Variants in FAM171B observed in about 807,000 individuals in gnomAD.
FAM171B encodes protein FAM171B.
In FAM171B, 19 loss-of-function variants were observed where a neutral mutation model predicts 75.6. The ratio of observed to expected loss-of-function variants is 0.25; its 90% CI spans 0.18 to 0.37. The LOEUF (loss-of-function observed/expected upper bound fraction) is 0.37. FAM171B is among the 10% of genes least tolerant of loss of function. The pLI, the probability that FAM171B is intolerant of heterozygous loss-of-function variation, is 1.00. For synonymous variants in FAM171B, 367 were observed against 361.7 expected, an observed-to-expected ratio of 1.01 and a Z score of -0.17; for missense variants, 848 against 982.4, an observed-to-expected ratio of 0.86 and a Z score of 1.83.
At chr2:186,698,073 T>C (rs538066696) in intron 1 of FAM171B, among the ~76,000 whole-genome samples, 1 of 152,176 alleles carries the variant, frequency 6.6e-6, no homozygotes, top group East Asian at 1.9e-4. Flanking sequence ...TTAGAAATAT[T>C]TGAGGGTCCT....
chr2:186,753,884 C>T (rs765836118), intron 5 of FAM171B, 49 bp from the exon 6 acceptor site: 2 of 1,389,008 alleles, frequency 1.4e-6, no homozygotes, highest in South Asian at 2.3e-5. Flanking sequence ...GCATGACCAT[C>T]AGTTCTTAAG....
chr2:186,725,127 G>A (rs1690011525), intron 1 of FAM171B, among the ~76,000 whole-genome samples: 1 of 152,048 alleles, frequency 6.6e-6, no homozygotes, highest in Non-Finnish European at 1.5e-5. Context: ...GGCAGATCAC[G>A]AGGTCAGGAG....
chr2:186,762,286 G>A lies in FAM171B; in HGVS notation c.1944G>A (p.Ser648=), dbSNP rs754997420. The change falls in exon 8 of 8, where the codon TCG becomes TCA. Residue 648 remains serine, a synonymous_variant. Coordinates refer to ENST00000304698, the MANE Select transcript of FAM171B (RefSeq NM_177454.4). This position sits in a 1 kb window ranked among gnomAD's most constrained non-coding sequence, Gnocchi z 4.0. ...CTGTTGTAATGACTCCATTTTCATC[G>A]GAACTTCAAGGAATTTCAGAACAGA... The part of the protein sequence containing the change: ...NEAVVMTPFS[S]ELQGISEQTL... 12 of 1,613,474 alleles carry A rather than the reference G, an allele frequency of 7.4e-6. No homozygotes were observed. The highest frequency in any genetic ancestry group is 1.6e-4 in the Middle Eastern group (1 of 6,080).
rs562876076 is a variant in FAM171B at position 186,761,077 on chromosome 2, A to G, written c.1013-36A>G. On this transcript the variant is annotated intron_variant, in intron 6 of 7. Transcript: ENST00000304698. ...GACATAGTTGAGAATTTGATCTAAA[A>G]TAACATTTTCTCTTTGTTTATATTG... 2.7e-5 allele frequency: 43 copies of G among 1,580,316 alleles called. No individual in the cohort carries two copies. The South Asian group carries it at 4.6e-4, about 17-fold the overall frequency.
rs1690322899 is a variant in FAM171B at position 186,743,507 on chromosome 2, T to C, written c.497T>C (p.Leu166Pro). Residue 166 changes from leucine (L) to proline (P), a missense_variant, in exon 3 of 8, where the codon CTG (leucine) becomes CCG (proline). Around this residue, in one of 3 missense-constraint regions of FAM171B, gnomAD observed 665 missense variants for 729.0 expected, o/e 0.91. Transcript: ENST00000304698. The part of the protein sequence containing the change: ...MPIYSSVTLS[L>P]FPQSQANIWL... ...GTATATTCATCAGTTACACTTTCAC[T>C]GTTCCCGCAAAGCCAAGCAAATATA... is the stretch of plus-strand genomic sequence containing the variant. 1 of 1,612,234 alleles carries C rather than the reference T, an allele frequency of 6.2e-7. No homozygotes were observed. Among genetic ancestry groups the C allele is most frequent in the African/African-American group, 1.3e-5 (1 of 74,878 alleles).
At chr2:186,734,723 G>T (rs1464190029) in intron 1 of FAM171B, among the ~76,000 whole-genome samples, 1 of 152,200 alleles carries the variant, frequency 6.6e-6, no homozygotes, top group Non-Finnish European at 1.5e-5. Flanking sequence ...CCATACCTGA[G>T]GGGTGCTGAG....
At chr2:186,736,645 C>CT (rs71396886) in intron 1 of FAM171B, among the ~76,000 whole-genome samples, 8,905 of 50,428 alleles carry the variant, frequency 0.18, 1,482 homozygotes, top group Non-Finnish European at 0.21. Context: ...GGGATCAGAG[C>CT]TTTTTTTTTT....
intron 1 of FAM171B, among the ~76,000 whole-genome samples, chr2:186,711,356 G>T (rs1189484484): frequency 6.6e-6 from 1 of 152,152 alleles, no homozygotes; most frequent in Non-Finnish European, 1.5e-5. Context: ...CTTTTATGGT[G>T]AATCTATACA....
intron 1 of FAM171B, among the ~76,000 whole-genome samples, chr2:186,704,393 A>G (rs1342776145): frequency 1.3e-5 from 2 of 152,200 alleles, no homozygotes; most frequent in African/African-American, 4.8e-5. Context: ...ATGCTTTATA[A>G]TAAACTTTCT....
intron 1 of FAM171B, among the ~76,000 whole-genome samples, chr2:186,732,376 A>C (rs967238949): frequency 6.6e-6 from 1 of 152,190 alleles, no homozygotes; most frequent in African/African-American, 2.4e-5. Context: ...ACTGTTCCAT[A>C]GTTCCAAGAT....
At chr2:186,732,883 C>G (rs1690139498) in intron 1 of FAM171B, among the ~76,000 whole-genome samples, 2 of 152,238 alleles carry the variant, frequency 1.3e-5, no homozygotes, top group Non-Finnish European at 2.9e-5. Flanking sequence ...CCCACTCACC[C>G]AACTCCTGAG....
Position 186,732,879 on chromosome 2 carries a change from C to T in FAM171B, c.239-7349C>T, listed in dbSNP as rs548408904. On this transcript the variant is annotated intron_variant, in intron 1 of 7. Coordinates refer to ENST00000304698, the MANE Select transcript of FAM171B (RefSeq NM_177454.4). ...TTTAGTGCACATGCTTGGGCCCACT[C>T]ACCCAACTCCTGAGATCTCATCAGG... 5.3e-5 allele frequency among the ~76,000 whole-genome samples: 8 copies of T among 152,350 alleles called. 1 individual carries two copies. In the East Asian group the frequency reaches 1.5e-3, roughly 29 times the overall value.
At chr2:186,734,119 G>C (rs1226289276) in intron 1 of FAM171B, among the ~76,000 whole-genome samples, 1 of 152,184 alleles carries the variant, frequency 6.6e-6, no homozygotes, top group African/African-American at 2.4e-5. Flanking sequence ...AGTGAAAGTA[G>C]AGCTCTCAGG....
chr2:186,694,502 C>T (rs1267781329), intron 1 of FAM171B, 91 bp downstream of exon 1: 9 of 1,452,304 alleles, frequency 6.2e-6, no homozygotes, highest in African/African-American at 5.7e-5. Flanking sequence ...CTATCCATTC[C>T]TATCCTCGTT....
chr2:186,740,028 A>G (rs1193548640), intron 1 of FAM171B, among the ~76,000 whole-genome samples, 200 bp from the exon 2 acceptor site: 1 of 152,206 alleles, frequency 6.6e-6, no homozygotes, highest in Non-Finnish European at 1.5e-5. Flanking sequence ...AAATGTTGCT[A>G]TGGAGCACTT....
chr2:186,729,331 G>T (rs1690078844), intron 1 of FAM171B, among the ~76,000 whole-genome samples: 1 of 147,026 alleles, frequency 6.8e-6, no homozygotes, highest in African/African-American at 2.5e-5. Context: ...TATGCTCATT[G>T]AAAGCTAAAA....
At chr2:186,720,029 A>G (rs1314282637) in intron 1 of FAM171B, among the ~76,000 whole-genome samples, 2 of 152,236 alleles carry the variant, frequency 1.3e-5, no homozygotes, top group African/African-American at 4.8e-5. Flanking sequence ...ACTGAAAAAC[A>G]CAGCATATAA....
rs1488349578 is a variant in FAM171B, at chr2:186,764,843, CATT to C, written c.*2023_*2025del. 6.6e-6 allele frequency: 1 copy of C among 151,712 alleles called. No individual in the cohort carries two copies. The highest frequency in any genetic ancestry group is 1.5e-5 in the Non-Finnish European group (1 of 67,822). The allele number at this position is 151,712 out of a possible 1,614,324, so 9.4% of individuals were successfully genotyped here. ...TGAAGTTAGAAACTATATAGCAAAA[CATT>C]ATATTTTAAGTGTTTATTTTTCCCA... On this transcript the variant is annotated 3_prime_UTR_variant, in exon 8 of 8. Coordinates refer to ENST00000304698, the MANE Select transcript of FAM171B (RefSeq NM_177454.4).
rs1232256350 is a variant in FAM171B at position 186,740,293 on chromosome 2, G to T, written c.304G>T (p.Val102Phe). 6.2e-7 allele frequency: 1 copy of T among 1,614,070 alleles called. No individual in the cohort carries two copies. The highest frequency in any genetic ancestry group is 1.1e-5 in the South Asian group (1 of 91,082). Residue 102 changes from valine (V) to phenylalanine (F), a missense_variant, in exon 2 of 8, where the codon GTT becomes TTT. Val to Phe is a conservative substitution (Grantham distance 50). This residue lies in a region of FAM171B where 665 missense variants were observed against 729.0 expected (regional missense o/e 0.91). Coordinates refer to ENST00000304698, the MANE Select transcript of FAM171B (RefSeq NM_177454.4). ...IISRQYLSQA[V>F]VEVFVNYTKT... ...CAGTCGTCAGTACCTGAGCCAAGCAGTTGTAGAAGTGTTTGTAAACTACAC... is the reference window on the plus strand; with the variant it reads ...CAGTCGTCAGTACCTGAGCCAAGCATTTGTAGAAGTGTTTGTAAACTACAC...
Sources: allele counts gnomAD v4.1 joint callset (sites outside exome capture counted in the v4.1 genomes callset), GRCh38; gene constraint gnomAD v4.1.1; regional missense constraint gnomAD v4.1.1; non-coding constraint Gnocchi (gnomAD v3.1); transcripts MANE v1.5; gene names NCBI Gene and HGNC (gene_info 2026-07-23, HGNC 2026-07-21).